TRDMT1: variants seen among roughly 807,000 people sequenced by gnomAD.
TRDMT1 encodes the protein tRNA aspartic acid methyltransferase 1, also known as tRNA (cytosine(38)-C(5))-methyltransferase.
In TRDMT1, 49 loss-of-function variants were observed where a neutral mutation model predicts 51.2. That is an observed-to-expected ratio of 0.96 (90% CI 0.76 to 1.21). The LOEUF (loss-of-function observed/expected upper bound fraction) is 1.21. TRDMT1 is among the 50% of genes most tolerant of loss of function. TRDMT1 has a pLI of 0.00. For synonymous variants in TRDMT1, 187 were observed against 164.6 expected, an observed-to-expected ratio of 1.14 and a Z score of -1.04; for missense variants, 534 against 462.3, an observed-to-expected ratio of 1.16 and a Z score of -1.42.
At chr10:17,152,099 T>C (rs1305336096) in intron 10 of TRDMT1, 1 of 1,296,778 alleles carries the variant, frequency 7.7e-7, no homozygotes, top group Non-Finnish European at 1.0e-6. Context: ...TGATTGCTCA[T>C]CTGAAAAAAG....
chr10:17,161,099 G>A (rs958313297), intron 5 of TRDMT1, among the ~76,000 whole-genome samples: 9 of 152,056 alleles, frequency 5.9e-5, no homozygotes, highest in South Asian at 2.1e-4. Flanking sequence ...AAAGAACCCC[G>A]ACACAGGAAT....
At chr10:17,196,166 G>A (rs2131626537) in intron 1 of TRDMT1, among the ~76,000 whole-genome samples, 1 of 152,338 alleles carries the variant, frequency 6.6e-6, no homozygotes, top group East Asian at 1.9e-4. Flanking sequence ...ATTAATACGT[G>A]ACAAATGAGA....
In TRDMT1 at chr10:17,154,206, A is replaced by G. The variant is rs540150341; in HGVS notation, c.945+471T>C. 1.2e-4 allele frequency among the ~76,000 whole-genome samples: 19 copies of G among 152,306 alleles called. No individual in the cohort carries two copies. The South Asian group carries it at 3.3e-3, about 27-fold the overall frequency. ...TCACTTTAAAAGTATTCAAAAAAAT[A>G]TAAAACTTGCTATATATTAGACTTG... On this transcript the variant is annotated intron_variant, in intron 9 of 10. Coordinates refer to ENST00000377799, the MANE Select transcript of TRDMT1 (RefSeq NM_004412.7).
At chr10:17,194,930 C>T (rs764740718) in intron 1 of TRDMT1, among the ~76,000 whole-genome samples, 850 of 35,814 alleles carry the variant, frequency 0.024, 7 homozygotes, top group Non-Finnish European at 0.042. Context: ...AAGAATCCGA[C>T]TCAAAAAAAA....
In TRDMT1 at chr10:17,147,325, TC is replaced by T; in HGVS notation, c.*1714del. ...TCTGTATATGGGCTGGCTTACAGCTTCCCTACATTCATATTTATCTATGAGT... is the reference window on the plus strand; with the variant it reads ...TCTGTATATGGGCTGGCTTACAGCTTCCTACATTCATATTTATCTATGAGT... On this transcript the variant is annotated 3_prime_UTR_variant, in exon 11 of 11. Transcript: ENST00000377799. The T allele has an allele frequency of 4.1e-6, 4 of 985,500 alleles. No homozygotes were observed. The highest frequency in any genetic ancestry group is 4.8e-6 in the Non-Finnish European group (4 of 829,900). 61.0% of individuals were successfully genotyped at this position (985,500 alleles called of 1,614,324 possible). A position where few individuals can be genotyped will look rare whatever the true frequency, so the allele number is the denominator to read the frequency against.
chr10:17,174,645 G>T lies in TRDMT1; in HGVS notation c.80C>A (p.Ala27Glu). Residue 27 changes from alanine to glutamate, a missense_variant, in exon 2 of 11, where the codon GCA becomes GAA. Ala to Glu is a moderately radical substitution (Grantham distance 107). Transcript: ENST00000377799. ...HHALRESCIP[A>E]QVVAAIDVNT... The stretch of plus-strand genomic sequence containing the variant: ...GACATCAATGGCAGCCACCACTTGT[G>T]CAGGTATACAGCTTTCTGTAATGAT... The T allele has an allele frequency of 6.2e-7, 1 of 1,613,524 alleles. No individual in the cohort carries two copies.
rs1345716181 is a variant in TRDMT1 at position 17,145,731 on chromosome 10, C to A, written c.*3309G>T. The A allele has an allele frequency of 1.0e-6, 1 of 985,286 alleles. No homozygotes were observed. The highest frequency in any genetic ancestry group is 1.2e-6 in the Non-Finnish European group (1 of 829,928). The allele number at this position is 985,286 out of a possible 1,614,324, so 61.0% of individuals were successfully genotyped here. A position where few individuals can be genotyped will look rare whatever the true frequency, so the allele number is the denominator to read the frequency against. On this transcript the variant is annotated 3_prime_UTR_variant, in exon 11 of 11. Transcript: ENST00000377799. ...TGGCTTTTTTAGAAACCGCTTGTTT[C>A]TAAACTCTTAAGTTATCAAAGCAAA...
chr10:17,173,661 T>C (rs1019142188), intron 2 of TRDMT1, among the ~76,000 whole-genome samples: 1 of 152,178 alleles, frequency 6.6e-6, no homozygotes, highest in Non-Finnish European at 1.5e-5. Flanking sequence ...ACTGCCCACT[T>C]AAAATTACGT....
At chr10:17,154,584 T>A in intron 9 of TRDMT1, 93 bp downstream of exon 9, 3 of 811,468 alleles carry the variant, frequency 3.7e-6, no homozygotes, top group Non-Finnish European at 5.4e-6. Flanking sequence ...TCATGGCCAG[T>A]TGAATGCATA....
chr10:17,144,998 C>G lies in TRDMT1; in HGVS notation c.*4042G>C, dbSNP rs969003736. On this transcript the variant is annotated 3_prime_UTR_variant, in exon 11 of 11. Coordinates refer to ENST00000377799, the MANE Select transcript of TRDMT1 (RefSeq NM_004412.7). ...CGTGGTGGCTCATGCCTGTAAAACC[C>G]AGCACTTAGGGAAGCCAAGGTGGGT... The G allele has an allele frequency of 2.0e-6, 2 of 984,854 alleles. No individual in the cohort carries two copies. Among genetic ancestry groups the G allele is most frequent in the Admixed American group, 1.2e-4 (2 of 16,268 alleles). The allele number at this position is 984,854 out of a possible 1,614,324, so 61.0% of individuals were successfully genotyped here.
At position 17,201,456 on chromosome 10, in the gene TRDMT1, T is replaced by TGTCCGCCCCACAGG. The variant is rs1846157347; in HGVS notation, c.64+114_64+115insCCTGTGGGGCGGAC. ...AGGACAACCGAGGGCCGCCCCACAGTGTCCGCCCCACAGTGTCCGCCCCTT... is the reference window on the plus strand; with the variant it reads ...AGGACAACCGAGGGCCGCCCCACAGTGTCCGCCCCACAGGGTCCGCCCCACAGTGTCCGCCCCTT... On this transcript the variant is annotated intron_variant, in intron 1 of 10. Transcript: ENST00000377799. 5.2e-6 allele frequency: 6 copies of TGTCCGCCCCACAGG among 1,149,510 alleles called. No homozygotes were observed. The South Asian group carries it at 8.8e-5, about 17-fold the overall frequency. 71.2% of individuals were successfully genotyped at this position (1,149,510 alleles called of 1,614,324 possible).
intron 1 of TRDMT1, 53 bp downstream of exon 1, chr10:17,201,518 T>C (rs1489826229): frequency 6.6e-7 from 1 of 1,525,994 alleles, no homozygotes; most frequent in Non-Finnish European, 8.8e-7. Context: ...GCGCGGGTGC[T>C]CCAACCAGCC....
intron 1 of TRDMT1, among the ~76,000 whole-genome samples, chr10:17,179,888 A>G (rs1045870155): frequency 2.0e-5 from 3 of 152,200 alleles, no homozygotes; most frequent in Non-Finnish European, 4.4e-5. Context: ...GTATTGGGGA[A>G]AGGATTTTTT....
At chr10:17,180,539 C>CAA (rs10627626) in intron 1 of TRDMT1, among the ~76,000 whole-genome samples, 37,878 of 104,350 alleles carry the variant, frequency 0.36, 5,544 homozygotes, top group Middle Eastern at 0.46. Flanking sequence ...AACTCTGTCT[C>CAA]AAAAAAAAAA....
intron 1 of TRDMT1, among the ~76,000 whole-genome samples, chr10:17,176,057 G>A (rs970463736): frequency 2.0e-5 from 3 of 152,106 alleles, no homozygotes; most frequent in Admixed American, 6.6e-5. Flanking sequence ...ATCTGTTAAA[G>A]CCATCAGATC....
In TRDMT1 at chr10:17,201,577, G is replaced by C; in HGVS notation, c.58C>G (p.Leu20Val). Residue 20 changes from leucine to valine, a missense_variant, in exon 1 of 11, where the codon CTG becomes GTG. Physicochemically the swap from Leu to Val is conservative, Grantham distance 32. Coordinates refer to ENST00000377799, the MANE Select transcript of TRDMT1 (RefSeq NM_004412.7). ...YSGVGGMHHA[L>V]RESCIPAQVV... ...GTGCTAGATGGACTCTCACCTCTCAGCGCGTGGTGCATGCCGCCCACGCCG... is the reference window on the plus strand; with the variant it reads ...GTGCTAGATGGACTCTCACCTCTCACCGCGTGGTGCATGCCGCCCACGCCG... 1 of 1,549,598 alleles carries C rather than the reference G, an allele frequency of 6.5e-7. No individual in the cohort carries two copies. The highest frequency in any genetic ancestry group is 8.7e-7 in the Non-Finnish European group (1 of 1,146,152).
Position 17,146,407 on chromosome 10 carries a change from C to T in TRDMT1, c.*2633G>A, listed in dbSNP as rs1390008591. 6.1e-6 allele frequency: 6 copies of T among 985,306 alleles called. No individual in the cohort carries two copies. The highest frequency in any genetic ancestry group is 6.0e-6 in the Non-Finnish European group (5 of 829,936). The allele number at this position is 985,306 out of a possible 1,614,324, so 61.0% of individuals were successfully genotyped here. ...TGCCATCATTCCTCTTTCTTGCCTG[C>T]CACTGAGGATTGTCAGGCTCTGACC... On this transcript the variant is annotated 3_prime_UTR_variant, in exon 11 of 11. Transcript: ENST00000377799.
intron 1 of TRDMT1, among the ~76,000 whole-genome samples, chr10:17,176,870 G>A (rs748887178): frequency 1.3e-5 from 2 of 152,038 alleles, no homozygotes; most frequent in Non-Finnish European, 1.5e-5. Flanking sequence ...TACATATATA[G>A]ATTTTGAAAA....
At chr10:17,175,098 GTACCA>G (rs1189216054) in intron 1 of TRDMT1, among the ~76,000 whole-genome samples, 7 of 152,166 alleles carry the variant, frequency 4.6e-5, no homozygotes, top group African/African-American at 1.7e-4. Context: ...TTGCTTCACA[GTACCA>G]TTGAAAATGC....
Sources: gnomAD v4.1 joint callset for allele counts (sites outside exome capture counted in the v4.1 genomes callset) on GRCh38, gnomAD v4.1.1 for gene constraint, MANE v1.5 for transcripts, NCBI Gene and HGNC (gene_info 2026-07-23, HGNC 2026-07-21) for gene names.